FBXL7: variants seen among roughly 807,000 people sequenced by gnomAD.
FBXL7 encodes the protein F-box/LRR-repeat protein 7.
In FBXL7, 12 loss-of-function variants were observed where a neutral mutation model predicts 38.3. That is an observed-to-expected ratio of 0.31 (90% CI 0.20 to 0.51). FBXL7 has a LOEUF of 0.51. FBXL7 is among the 20% of genes least tolerant of loss of function. The pLI, the probability that FBXL7 is intolerant of heterozygous loss-of-function variation, is 0.98. For synonymous variants in FBXL7, 297 were observed against 300.9 expected, an observed-to-expected ratio of 0.99 and a Z score of 0.13; for missense variants, 567 against 676.4, an observed-to-expected ratio of 0.84 and a Z score of 1.79.
chr5:15,639,178 A>G (rs1212200224), intron 2 of FBXL7, among the ~76,000 whole-genome samples: 1 of 152,194 alleles, frequency 6.6e-6, no homozygotes, highest in Middle Eastern at 3.2e-3. Context: ...GTACACCTGG[A>G]TCTTTGTATC....
chr5:15,715,473 G>C (rs1346224190), intron 2 of FBXL7, among the ~76,000 whole-genome samples: 1 of 135,618 alleles, frequency 7.4e-6, no homozygotes, highest in Non-Finnish European at 1.5e-5. Context: ...CCTGGTGACA[G>C]AGCGAGACTC....
At chr5:15,574,827 T>C (rs1738903098) in intron 1 of FBXL7, among the ~76,000 whole-genome samples, 1 of 152,188 alleles carries the variant, frequency 6.6e-6, no homozygotes, top group African/African-American at 2.4e-5. Context: ...ATTGGAATTA[T>C]GGAAAGTAAG....
chr5:15,810,575 A>G (rs1000787697), intron 2 of FBXL7, among the ~76,000 whole-genome samples: 1 of 151,148 alleles, frequency 6.6e-6, no homozygotes, highest in Non-Finnish European at 1.5e-5. Flanking sequence ...AAAAAAAAAA[A>G]GTATAAAACA....
chr5:15,640,316 G>A (rs753773612), intron 2 of FBXL7, among the ~76,000 whole-genome samples: 14 of 152,068 alleles, frequency 9.2e-5, no homozygotes, highest in Non-Finnish European at 1.9e-4. Context: ...GCTTGCAGCT[G>A]CGTCACTCCA....
chr5:15,639,438 T>A (rs886817928), intron 2 of FBXL7, among the ~76,000 whole-genome samples: 8 of 152,096 alleles, frequency 5.3e-5, no homozygotes, highest in Non-Finnish European at 7.4e-5. Flanking sequence ...GATGGTTATA[T>A]CAGAGGGAGT....
intron 2 of FBXL7, among the ~76,000 whole-genome samples, chr5:15,763,824 G>A (rs946026663): frequency 6.6e-6 from 1 of 152,174 alleles, no homozygotes; most frequent in East Asian, 1.9e-4. Context: ...TATGAGAAGG[G>A]ATTTATTATG....
intron 2 of FBXL7, among the ~76,000 whole-genome samples, chr5:15,687,609 C>T (rs967035170): frequency 1.3e-5 from 2 of 152,126 alleles, no homozygotes; most frequent in Non-Finnish European, 2.9e-5. Flanking sequence ...GTAGCACTGC[C>T]CTCAAGGCTG....
Position 15,582,139 on chromosome 5 carries a change from A to G in FBXL7, c.38-33844A>G, listed in dbSNP as rs561722828. ...TTTTTAGTAGAGATGGGGCTTTGCC[A>G]CGTTGGCCAGGCTGGTCTCAAACTC... On this transcript the variant is annotated intron_variant, in intron 1 of 3. Transcript: ENST00000504595. Among the ~76,000 whole-genome samples the G allele has an allele frequency of 2.0e-5, 3 of 152,194 alleles. No homozygotes were observed. The South Asian group carries it at 6.2e-4, about 32-fold the overall frequency.
chr5:15,555,824 T>TAGATAGATAGATAGATA lies in FBXL7; in HGVS notation c.37+55111_37+55112insAGATAGATAGATAGATA, dbSNP rs113432842. On this transcript the variant is annotated intron_variant, in intron 1 of 3. Coordinates refer to ENST00000504595, the MANE Select transcript of FBXL7 (RefSeq NM_012304.5). ...ATAGATAGATAGATAGATAGATAGG[T>TAGATAGATAGATAGATA]GATAGATGAAAGATAGACACAGCAG... is the stretch of plus-strand genomic sequence containing the variant. 4.7e-5 allele frequency among the ~76,000 whole-genome samples: 7 copies of TAGATAGATAGATAGATA among 150,520 alleles called. No homozygotes were observed. The South Asian group carries it at 1.5e-3, about 31-fold the overall frequency.
chr5:15,797,630 A>G (rs1212484998), intron 2 of FBXL7, among the ~76,000 whole-genome samples: 1 of 152,208 alleles, frequency 6.6e-6, no homozygotes, highest in Non-Finnish European at 1.5e-5. Context: ...ACACAATGGT[A>G]ATGGCATTGA....
At chr5:15,675,595 A>G (rs78368988) in intron 2 of FBXL7, among the ~76,000 whole-genome samples, 8,778 of 152,312 alleles carry the variant, frequency 0.058, 329 homozygotes, top group South Asian at 0.11. Context: ...GCTATTGACC[A>G]TGTGGCTTTG....
intron 2 of FBXL7, among the ~76,000 whole-genome samples, chr5:15,806,704 G>T (rs1307313452): frequency 6.6e-6 from 1 of 152,174 alleles, no homozygotes; most frequent in Non-Finnish European, 1.5e-5. Context: ...GAGGGCAGTG[G>T]GATAGACTGG....
chr5:15,595,564 C>T (rs1191489846), intron 1 of FBXL7, among the ~76,000 whole-genome samples: 1 of 152,160 alleles, frequency 6.6e-6, no homozygotes, highest in Non-Finnish European at 1.5e-5. Context: ...TGCACTCTTG[C>T]AACAGTATTA....
At chr5:15,653,580 T>G (rs1580436143) in intron 2 of FBXL7, among the ~76,000 whole-genome samples, 1 of 152,302 alleles carries the variant, frequency 6.6e-6, no homozygotes, top group South Asian at 2.1e-4. Flanking sequence ...TAGTTACCAG[T>G]TATCAAATAT....
At chr5:15,840,536 G>A (rs764260082) in intron 2 of FBXL7, among the ~76,000 whole-genome samples, 5 of 152,024 alleles carry the variant, frequency 3.3e-5, no homozygotes, top group African/African-American at 7.3e-5. Flanking sequence ...TTTCTGCCTC[G>A]AATATGATAA....
intron 1 of FBXL7, among the ~76,000 whole-genome samples, chr5:15,515,620 TACTG>T (rs1736913294): frequency 6.6e-6 from 1 of 152,090 alleles, no homozygotes; most frequent in African/African-American, 2.4e-5. Flanking sequence ...GAAGAAAAAA[TACTG>T]AAGAAGCAGC....
At chr5:15,711,285 A>G (rs937156173) in intron 2 of FBXL7, among the ~76,000 whole-genome samples, 1 of 152,190 alleles carries the variant, frequency 6.6e-6, no homozygotes, top group Non-Finnish European at 1.5e-5. Context: ...CCTGGCTTGC[A>G]GCTGCAACTC....
intron 2 of FBXL7, among the ~76,000 whole-genome samples, chr5:15,739,049 C>T (rs1051110001): frequency 2.0e-5 from 3 of 152,152 alleles, no homozygotes; most frequent in Non-Finnish European, 2.9e-5. Flanking sequence ...TTGGTTTGAG[C>T]GAAGTGATCA....
At chr5:15,655,084 T>C (rs1741831043) in intron 2 of FBXL7, among the ~76,000 whole-genome samples, 1 of 152,218 alleles carries the variant, frequency 6.6e-6, no homozygotes, top group African/African-American at 2.4e-5. Context: ...TTAAGATAGC[T>C]ACCAATCTCT....
Sources: gnomAD v4.1 joint callset for allele counts (sites outside exome capture counted in the v4.1 genomes callset) on GRCh38, gnomAD v4.1.1 for gene constraint, MANE v1.5 for transcripts, NCBI Gene and HGNC (gene_info 2026-07-23, HGNC 2026-07-21) for gene names.